ROS1: variants seen among roughly 807,000 people sequenced by gnomAD.
ROS1 encodes ROS proto-oncogene 1, receptor tyrosine kinase.
In ROS1, 263 loss-of-function variants were observed where a neutral mutation model predicts 273.5. The observed-to-expected ratio is 0.96, with a 90% CI of 0.87 to 1.06. The LOEUF is 1.06. ROS1 is among the 50% of genes least tolerant of loss of function. The pLI is 0.00. For synonymous variants in ROS1, 1,008 were observed against 954.1 expected, an observed-to-expected ratio of 1.06 and a Z score of -1.04; for missense variants, 2,833 against 2,751.1, an observed-to-expected ratio of 1.03 and a Z score of -0.67.
At position 117,320,014 on chromosome 6, in the gene ROS1, C is replaced by G. The variant is rs773843792; in HGVS notation, c.5776G>C (p.Glu1926Gln). 1 of 1,613,148 alleles carries G rather than the reference C, an allele frequency of 6.2e-7. No homozygotes were observed. The highest frequency in any genetic ancestry group is 8.5e-7 in the Non-Finnish European group (1 of 1,179,452). The change falls in exon 37 of 44, where the codon GAG becomes CAG. Residue 1926 changes from glutamate (E) to glutamine (Q), a missense_variant. Physicochemically the swap from Glu to Gln is conservative, Grantham distance 29. Transcript: ENST00000368507. ...AAGGCAGGAAGATTTTCAATCTCCT[C>G]TTGGGTTGGAAGAGTACTGTAAAAT... ...CYAIHTLPTQ[E>Q]EIENLPAFPR...
chr6:117,394,383 T>C, intron 10 of ROS1, 37 bp from the exon 11 acceptor site: 2 of 1,448,820 alleles, frequency 1.4e-6, no homozygotes, highest in Non-Finnish European at 1.8e-6. Context: ...CATTATTATA[T>C]AACAACCAGG....
At chr6:117,423,644 G>A (rs1420434472) in intron 1 of ROS1, among the ~76,000 whole-genome samples, 1 of 151,598 alleles carries the variant, frequency 6.6e-6, no homozygotes, top group Non-Finnish European at 1.5e-5. Flanking sequence ...ACTCTGCTTC[G>A]TGCAATTTGG....
intron 16 of ROS1, among the ~76,000 whole-genome samples, chr6:117,384,054 A>G (rs1480618600): frequency 6.6e-6 from 1 of 152,208 alleles, no homozygotes; most frequent in African/African-American, 2.4e-5. Context: ...AAGTTAAACA[A>G]TTTGTCCTGG....
intron 31 of ROS1, among the ~76,000 whole-genome samples, chr6:117,340,158 A>C (rs2128620378): frequency 6.6e-6 from 1 of 152,264 alleles, no homozygotes; most frequent in African/African-American, 2.4e-5. Flanking sequence ...ATAAGGTGGC[A>C]ATTTTTTAAA....
chr6:117,360,349 T>C lies in ROS1; in HGVS notation c.3423A>G (p.Thr1141=). The part of the protein sequence containing the change: ...PGPYADVVKS[T]TSEINPFPHL... Reference sequence around the variant, plus strand: ...ATTTTAGAAAACAAATACCTGATGTTGTAGACTTTACAACGTCAGCATATG... The same window carrying C: ...ATTTTAGAAAACAAATACCTGATGTCGTAGACTTTACAACGTCAGCATATG... Residue 1141 remains threonine (T), a synonymous_variant, in exon 23 of 44, where the codon ACA becomes ACG. Coordinates refer to ENST00000368507, the MANE Select transcript of ROS1 (RefSeq NM_001378902.1). 1.9e-6 allele frequency: 3 copies of C among 1,612,902 alleles called. No homozygotes were observed. The highest frequency in any genetic ancestry group is 2.5e-6 in the Non-Finnish European group (3 of 1,179,378).
At chr6:117,352,898 G>A (rs1778987328) in intron 27 of ROS1, 92 bp downstream of exon 27, 6 of 1,166,450 alleles carry the variant, frequency 5.1e-6, no homozygotes, top group Non-Finnish European at 7.5e-6. Context: ...CAACAAAGGG[G>A]CTAAAGGGAC....
chr6:117,384,725 GC>G (rs1772423225), intron 16 of ROS1, among the ~76,000 whole-genome samples: 1 of 152,152 alleles, frequency 6.6e-6, no homozygotes, highest in Non-Finnish European at 1.5e-5. Flanking sequence ...CCTACTCTGT[GC>G]CCCCATAGGC....
chr6:117,293,135 C>T (rs1352442798), intron 43 of ROS1, among the ~76,000 whole-genome samples: 1 of 152,158 alleles, frequency 6.6e-6, no homozygotes, highest in African/African-American at 2.4e-5. Context: ...GTAACCTCCT[C>T]CCAATGGTTT....
At chr6:117,388,929 G>A (rs1772821203) in intron 13 of ROS1, among the ~76,000 whole-genome samples, 1 of 152,152 alleles carries the variant, frequency 6.6e-6, no homozygotes. Context: ...TGACTCCAGA[G>A]CCCACCTGCT....
chr6:117,359,812 A>G lies in ROS1; in HGVS notation c.3630T>C (p.Ser1210=), dbSNP rs1438572470. The change falls in exon 24 of 44, where the codon TCT becomes TCC. Residue 1210 remains serine (S), a synonymous_variant. Transcript: ENST00000368507. ...GAAGAATTACATAGTGAAATACCTC[A>G]GAGCTAGAGCGATTGTGCAAGTGCA... ...FLLHLHNRSS[S]ELFQDSLVFD... 1.6e-5 allele frequency: 25 copies of G among 1,612,308 alleles called. No individual in the cohort carries two copies. Among genetic ancestry groups the G allele is most frequent in the Non-Finnish European group, 2.1e-5 (25 of 1,178,490 alleles).
chr6:117,406,215 T>C (rs1344412096), intron 5 of ROS1, among the ~76,000 whole-genome samples: 2 of 151,082 alleles, frequency 1.3e-5, no homozygotes, highest in Non-Finnish European at 2.9e-5. Context: ...TATATGCAAA[T>C]ATATATGTTT....
intron 39 of ROS1, among the ~76,000 whole-genome samples, chr6:117,315,320 G>T (rs952985765): frequency 6.6e-6 from 1 of 151,848 alleles, no homozygotes; most frequent in African/African-American, 2.4e-5. Context: ...AAGAAATAGA[G>T]GGAATAAGGA....
At chr6:117,348,284 T>G in intron 27 of ROS1, among the ~76,000 whole-genome samples, 1 of 152,006 alleles carries the variant, frequency 6.6e-6, no homozygotes, top group East Asian at 1.9e-4. Flanking sequence ...ATATTCAGAT[T>G]GTCTATTTCT....
intron 26 of ROS1, among the ~76,000 whole-genome samples, 198 bp downstream of exon 26, chr6:117,356,417 TTTTTAAAACACAGA>T (rs1248529416): frequency 4.6e-5 from 7 of 152,226 alleles, no homozygotes; most frequent in Admixed American, 3.9e-4. Flanking sequence ...TAATTACAAT[TTTTTAAAACACAGA>T]TTTAGAAAAT....
intron 3 of ROS1, among the ~76,000 whole-genome samples, chr6:117,414,874 A>G (rs183213920): frequency 1.6e-4 from 25 of 152,382 alleles, no homozygotes; most frequent in Admixed American, 5.9e-4. Flanking sequence ...TAAATAGAAC[A>G]GGAAATGAAA....
chr6:117,310,202 G>C lies in ROS1; in HGVS notation c.6295C>G (p.Leu2099Val), dbSNP rs1322389853. The C allele has an allele frequency of 1.9e-6, 3 of 1,613,142 alleles. No individual in the cohort carries two copies. The highest frequency in any genetic ancestry group is 2.5e-6 in the Non-Finnish European group (3 of 1,179,442). ...TCATTTTTATAGATGTCTCTGGCGA[G>C]TCCAAAGTCTCCAATCTTCACTATC... ...PRIVKIGDFG[L>V]ARDIYKNDYY... Residue 2099 changes from leucine to valine, a missense_variant, in exon 41 of 44, where the codon CTC becomes GTC. Physicochemically the swap from Leu to Val is conservative, Grantham distance 32. Transcript: ENST00000368507.
In ROS1 at chr6:117,318,262, A is replaced by T; in HGVS notation, c.5923-10T>A. ...AACCCTTCTTCAAAGTCTATACAAC[A>T]TAAAAACAAGTCAGGAATCAGTATA... is the stretch of plus-strand genomic sequence containing the variant. On this transcript the variant is annotated splice_polypyrimidine_tract_variant and intron_variant, in intron 37 of 43. Transcript: ENST00000368507. The T allele has an allele frequency of 1.2e-6, 2 of 1,608,310 alleles. No homozygotes were observed. The highest frequency in any genetic ancestry group is 1.7e-6 in the Non-Finnish European group (2 of 1,175,180).
At chr6:117,305,516 T>G (rs951809730) in intron 42 of ROS1, among the ~76,000 whole-genome samples, 1 of 152,202 alleles carries the variant, frequency 6.6e-6, no homozygotes, top group Non-Finnish European at 1.5e-5. Context: ...CATTACTCTG[T>G]ACTTAATTTT....
At chr6:117,398,702 C>T (rs961933262) in intron 7 of ROS1, among the ~76,000 whole-genome samples, 8 of 139,270 alleles carry the variant, frequency 5.7e-5, no homozygotes, top group African/African-American at 2.0e-4. Flanking sequence ...AAAAAACTCG[C>T]GGTGACTCAT....
Sources: allele counts gnomAD v4.1 joint callset (sites outside exome capture counted in the v4.1 genomes callset), GRCh38; gene constraint gnomAD v4.1.1; transcripts MANE v1.5; gene names NCBI Gene and HGNC (gene_info 2026-07-23, HGNC 2026-07-21).